Variants in LRRC31 observed in about 807,000 individuals in gnomAD.
LRRC31 encodes leucine rich repeat containing 31.
Under a neutral mutation model 46.7 loss-of-function variants are expected in LRRC31, and 35 were observed. That is an observed-to-expected ratio of 0.75 (90% CI 0.57 to 0.99). The LOEUF (loss-of-function observed/expected upper bound fraction) is 0.99. Among genes scored for constraint, LRRC31 ranks in the 50% least tolerant of loss-of-function variants. The pLI, the probability that LRRC31 is intolerant of heterozygous loss-of-function variation, is 0.00. For synonymous variants in LRRC31, 236 were observed against 235.1 expected, an observed-to-expected ratio of 1.00 and a Z score of -0.03; for missense variants, 613 against 626.1, an observed-to-expected ratio of 0.98 and a Z score of 0.22.
chr3:169,844,930 C>CAA (rs59099192), intron 8 of LRRC31, among the ~76,000 whole-genome samples: 56 of 99,452 alleles, frequency 5.6e-4, no homozygotes, highest in Non-Finnish European at 8.7e-4. Context: ...GACTCCATCT[C>CAA]AAAAAAAAAA....
intron 1 of LRRC31, among the ~76,000 whole-genome samples, chr3:169,863,550 C>T (rs550625968): frequency 2.0e-5 from 3 of 152,316 alleles, no homozygotes; most frequent in African/African-American, 7.2e-5. Context: ...AAGAAAACCA[C>T]ACGTAGGATA....
intron 6 of LRRC31, among the ~76,000 whole-genome samples, chr3:169,852,975 G>C (rs1377085580): frequency 6.6e-6 from 1 of 152,240 alleles, no homozygotes. Flanking sequence ...ATGTTTGTGG[G>C]AGAAGGGAGA....
rs747923117 is a variant in LRRC31 at position 169,840,209 on chromosome 3, G to T, written c.1432C>A (p.Arg478=). ...AGCTCGATTAGCTCTTTGAGGAACC[G>T]CACGTTTTGGCAGAACATGGTCCAC... ...AGWTMFCQNV[R]FLKELIELDI... is the part of the protein sequence containing the mutation. The change falls in exon 9 of 9, where the codon CGG becomes AGG. Residue 478 remains arginine (R), a synonymous_variant. Coordinates refer to ENST00000316428, the MANE Select transcript of LRRC31 (RefSeq NM_024727.4). 1.2e-6 allele frequency: 2 copies of T among 1,614,056 alleles called. No homozygotes were observed. Among genetic ancestry groups the T allele is most frequent in the East Asian group, 2.2e-5 (1 of 44,888 alleles).
At chr3:169,848,466 T>G (rs903445450) in intron 7 of LRRC31, among the ~76,000 whole-genome samples, 179 bp from the exon 8 acceptor site, 1 of 152,122 alleles carries the variant, frequency 6.6e-6, no homozygotes, top group Admixed American at 6.5e-5. Context: ...TGTTTTTTGT[T>G]TTTTGTTTTG....
chr3:169,859,443 C>T (rs1781080199), intron 3 of LRRC31, among the ~76,000 whole-genome samples: 1 of 152,154 alleles, frequency 6.6e-6, no homozygotes, highest in Admixed American at 6.5e-5. Context: ...GACTGACAAG[C>T]GGAGATATTT....
At chr3:169,857,720 G>A (rs745842501) in intron 3 of LRRC31, among the ~76,000 whole-genome samples, 1 of 151,942 alleles carries the variant, frequency 6.6e-6, no homozygotes, top group Non-Finnish European at 1.5e-5. Context: ...TTCTCAATGT[G>A]CAAACAATTA....
At position 169,856,398 on chromosome 3, in the gene LRRC31, G is replaced by A. The variant is rs759825085; in HGVS notation, c.761C>T (p.Ser254Leu). The change falls in exon 5 of 9, where the codon TCA (serine) becomes TTA (leucine). Residue 254 changes from serine (S) to leucine (L), a missense_variant. Physicochemically the swap from Ser to Leu is moderately radical, Grantham distance 145. Coordinates refer to ENST00000316428, the MANE Select transcript of LRRC31 (RefSeq NM_024727.4). The part of the protein sequence containing the change: ...NSIAQGLKST[S>L]NLKVLKLHSC... ...ATGTAACTTCAGTACTTTCAGATTT[G>A]AGGTGCTTTTTAATCCCTGAGCAAT... 2 of 1,605,992 alleles carry A rather than the reference G, an allele frequency of 1.2e-6. No homozygotes were observed. Among genetic ancestry groups the A allele is most frequent in the Non-Finnish European group, 1.7e-6 (2 of 1,176,296 alleles).
At chr3:169,862,294 T>A (rs1158555733) in intron 1 of LRRC31, among the ~76,000 whole-genome samples, 1 of 152,168 alleles carries the variant, frequency 6.6e-6, no homozygotes, top group East Asian at 1.9e-4. Flanking sequence ...TTCTTGCCGG[T>A]CAGTTTCTAG....
chr3:169,848,042 C>T (rs964113438), intron 8 of LRRC31, 78 bp downstream of exon 8: 101 of 1,444,842 alleles, frequency 7.0e-5, no homozygotes, highest in Admixed American at 6.0e-4. Flanking sequence ...CCTCCCCCAC[C>T]TCCCCACCTG....
intron 6 of LRRC31, 81 bp downstream of exon 6, chr3:169,854,732 T>C (rs759711292): frequency 1.9e-6 from 2 of 1,026,338 alleles, no homozygotes; most frequent in Non-Finnish European, 2.9e-6. Flanking sequence ...TAAATTTAAG[T>C]GTACATATTA....
intron 2 of LRRC31, among the ~76,000 whole-genome samples, chr3:169,861,070 C>CT (rs11337221): frequency 0.063 from 7,933 of 124,934 alleles, 310 homozygotes; most frequent in East Asian, 0.085. Flanking sequence ...TTTTCTTTTC[C>CT]TTTTTTTTTT....
chr3:169,863,324 C>T (rs544531443), intron 1 of LRRC31, among the ~76,000 whole-genome samples: 46 of 152,164 alleles, frequency 3.0e-4, no homozygotes, highest in African/African-American at 1.1e-3. Context: ...ATATTGAAAT[C>T]CAATAGGAAA....
rs556564882 is a variant in LRRC31 at position 169,869,793 on chromosome 3, C to T, written c.15G>A (p.Arg5=). 199 of 1,612,128 alleles carry T rather than the reference C, an allele frequency of 1.2e-4. 4 individuals are homozygous for T. The South Asian group carries it at 2.1e-3, about 17-fold the overall frequency. ...TTTCTCCTTCTGAGGAAGTTTTCTT[C>T]CTTGTTTGACTCATGGTGAAGTTGA... MSQT[R]KKTSSEGETK... is the part of the protein sequence containing the mutation. The change falls in exon 1 of 9, where the codon AGG becomes AGA. Residue 5 remains arginine (R), a synonymous_variant. Coordinates refer to ENST00000316428, the MANE Select transcript of LRRC31 (RefSeq NM_024727.4).
intron 6 of LRRC31, chr3:169,853,244 TC>T (rs1328440601): frequency 1.6e-5 from 16 of 985,334 alleles, no homozygotes; most frequent in Non-Finnish European, 1.9e-5. Context: ...GATCTATAAT[TC>T]CATTTCTTTG....
intron 1 of LRRC31, among the ~76,000 whole-genome samples, chr3:169,862,263 G>A (rs921684106): frequency 6.6e-6 from 1 of 152,208 alleles, no homozygotes; most frequent in African/African-American, 2.4e-5. Flanking sequence ...AGCTGCAAAT[G>A]GCCACACGGA....
intron 8 of LRRC31, among the ~76,000 whole-genome samples, chr3:169,843,436 T>C (rs1226988888): frequency 6.6e-6 from 1 of 152,210 alleles, no homozygotes; most frequent in Non-Finnish European, 1.5e-5. Context: ...AGTGTTGTAA[T>C]ACCCTACACA....
Position 169,840,050 on chromosome 3 carries a change from C to A in LRRC31, c.1591G>T (p.Glu531Ter). ...KRWILPASQE[E>*]ELECFDQDKK... Reference sequence around the variant, plus strand: ...TCTTGGTCAAAGCATTCTAGTTCTTCCTCCTGTGAAGCTGGGAGAATCCAT... The same window carrying A: ...TCTTGGTCAAAGCATTCTAGTTCTTACTCCTGTGAAGCTGGGAGAATCCAT... The change falls in exon 9 of 9, where the codon GAA becomes TAA. Residue 531 changes from glutamate to a stop codon, truncating the protein, a stop_gained. Transcript: ENST00000316428. LOFTEE classifies it low-confidence loss of function (END_TRUNC). The A allele has an allele frequency of 6.2e-7, 1 of 1,614,032 alleles. No individual in the cohort carries two copies. Among genetic ancestry groups the A allele is most frequent in the Non-Finnish European group, 8.5e-7 (1 of 1,180,022 alleles).
intron 3 of LRRC31, among the ~76,000 whole-genome samples, chr3:169,858,539 A>T (rs1781040756): frequency 6.6e-6 from 1 of 152,240 alleles, no homozygotes; most frequent in Non-Finnish European, 1.5e-5. Context: ...AGAAAGAAGG[A>T]CTATCAGTTA....
Position 169,864,001 on chromosome 3 carries a change from A to AGTGTGTGT in LRRC31, c.176-2196_176-2189dup, listed in dbSNP as rs35795931. ...CCCAGAATAGTTTGTTCCAAAGCCT[A>AGTGTGTGT]GTGTGTGTGTGTGTGTGTGTGTGTG... is the stretch of plus-strand genomic sequence containing the variant. On this transcript the variant is annotated intron_variant, in intron 1 of 8. Coordinates refer to ENST00000316428, the MANE Select transcript of LRRC31 (RefSeq NM_024727.4). Among the ~76,000 whole-genome samples the AGTGTGTGT allele has an allele frequency of 2.1e-3, 316 of 148,720 alleles. 1 individual carries two copies. Among genetic ancestry groups the AGTGTGTGT allele is most frequent in the African/African-American group, 6.2e-3 (253 of 40,572 alleles).
Sources: allele counts gnomAD v4.1 joint callset (sites outside exome capture counted in the v4.1 genomes callset), GRCh38; gene constraint gnomAD v4.1.1; transcripts MANE v1.5; gene names NCBI Gene and HGNC (gene_info 2026-07-23, HGNC 2026-07-21).